The following PIP5K1B variants were observed in gnomAD, a reference collection of about 807,000 sequenced individuals.
PIP5K1B encodes phosphatidylinositol-4-phosphate 5-kinase type 1 beta, also known as phosphatidylinositol 4-phosphate 5-kinase type-1 beta.
PIP5K1B carries 42 observed loss-of-function variants against 67.0 expected under a neutral mutation model. That is an observed-to-expected ratio of 0.63 (90% confidence interval 0.49 to 0.81). PIP5K1B has a LOEUF of 0.81. PIP5K1B is among the 30% of genes least tolerant of loss of function. The pLI is 0.00. For synonymous variants in PIP5K1B, 214 were observed against 231.4 expected, an observed-to-expected ratio of 0.92 and a Z score of 0.68; for missense variants, 459 against 646.3, an observed-to-expected ratio of 0.71 and a Z score of 3.14.
intron 14 of PIP5K1B, among the ~76,000 whole-genome samples, chr9:68,949,995 A>G (rs1827981820): frequency 6.6e-6 from 1 of 152,272 alleles, no homozygotes. Context: ...ATCGATGTAC[A>G]GAAAAACCTT....
intron 2 of PIP5K1B, chr9:68,780,699 A>G (rs1342105020): frequency 1.9e-6 from 3 of 1,614,210 alleles, no homozygotes; most frequent in South Asian, 2.2e-5. Flanking sequence ...TCCCAGCCCA[A>G]CGACCCGATT....
At chr9:68,761,974 C>T (rs1208906618) in intron 2 of PIP5K1B, among the ~76,000 whole-genome samples, 4 of 152,036 alleles carry the variant, frequency 2.6e-5, no homozygotes, top group African/African-American at 9.7e-5. Context: ...CCAATAATTG[C>T]AGAGCTAGTA....
chr9:68,967,767 A>G (rs1307794412), intron 14 of PIP5K1B, among the ~76,000 whole-genome samples: 2 of 152,126 alleles, frequency 1.3e-5, no homozygotes, highest in African/African-American at 4.8e-5. Flanking sequence ...AGACTCATGG[A>G]CATACTGGTG....
intron 1 of PIP5K1B, among the ~76,000 whole-genome samples, chr9:68,734,785 G>T (rs974268924): frequency 6.6e-6 from 1 of 152,160 alleles, no homozygotes; most frequent in African/African-American, 2.4e-5. Flanking sequence ...AGAACATTTG[G>T]TGAGGTTAAA....
At chr9:68,715,492 C>T (rs542266630) in intron 1 of PIP5K1B, among the ~76,000 whole-genome samples, 11 of 152,282 alleles carry the variant, frequency 7.2e-5, no homozygotes, top group East Asian at 5.8e-4. Context: ...CGGTCGACCA[C>T]GCTTCAGGTC....
chr9:68,778,428 A>C (rs775869269), intron 2 of PIP5K1B, among the ~76,000 whole-genome samples: 1 of 152,214 alleles, frequency 6.6e-6, no homozygotes, highest in African/African-American at 2.4e-5. Flanking sequence ...TCAGTAAATA[A>C]TACTACCATC....
chr9:68,845,374 A>G (rs1822134443), intron 4 of PIP5K1B, among the ~76,000 whole-genome samples: 3 of 152,256 alleles, frequency 2.0e-5, no homozygotes, highest in Non-Finnish European at 4.4e-5. Flanking sequence ...GCCTAGAGCC[A>G]GAGCCGTGGA....
At chr9:68,984,209 A>G (rs1006861438) in intron 14 of PIP5K1B, among the ~76,000 whole-genome samples, 2 of 152,270 alleles carry the variant, frequency 1.3e-5, no homozygotes, top group African/African-American at 4.8e-5. Context: ...ACCCAGTATC[A>G]CATACAACTA....
chr9:68,982,121 C>T (rs1041864144), intron 14 of PIP5K1B, among the ~76,000 whole-genome samples: 2 of 152,164 alleles, frequency 1.3e-5, no homozygotes, highest in Non-Finnish European at 2.9e-5. Context: ...AGGCAGGCAG[C>T]CAGACTCCTA....
At chr9:68,880,592 TACACACACAC>T (rs763461495) in intron 6 of PIP5K1B, among the ~76,000 whole-genome samples, 8 of 77,004 alleles carry the variant, frequency 1.0e-4, no homozygotes, top group Admixed American at 3.0e-4. Context: ...CACACACGCA[TACACACACAC>T]ACACACACAC....
chr9:68,894,793 G>T (rs1379752316), intron 8 of PIP5K1B, among the ~76,000 whole-genome samples, 155 bp downstream of exon 8: 1 of 152,180 alleles, frequency 6.6e-6, no homozygotes, highest in African/African-American at 2.4e-5. Context: ...ATGCTTCCCT[G>T]ATATTGAAGG....
rs532758787 is a variant in PIP5K1B, at chr9:68,792,337, T to G, written c.-85-26124T>G. Among the ~76,000 whole-genome samples, 23 of 152,282 alleles carry G rather than the reference T, an allele frequency of 1.5e-4. No individual in the cohort carries two copies. The South Asian group carries it at 4.8e-3, about 32-fold the overall frequency. On this transcript the variant is annotated intron_variant, in intron 2 of 15. Transcript: ENST00000265382. ...GAACAAATGGTACACAGTTTCTGTT[T>G]TGTTTTGTTTTATTGAGTTCATGAT...
At chr9:68,713,013 A>G (rs1827462639) in intron 1 of PIP5K1B, among the ~76,000 whole-genome samples, 1 of 152,230 alleles carries the variant, frequency 6.6e-6, no homozygotes, top group Admixed American at 6.5e-5. Context: ...AGCTACATCA[A>G]CAGTCCCAAT....
intron 14 of PIP5K1B, among the ~76,000 whole-genome samples, chr9:68,969,887 G>A (rs931611054): frequency 2.0e-4 from 30 of 152,146 alleles, no homozygotes; most frequent in African/African-American, 6.8e-4. Flanking sequence ...TAGAAAATCC[G>A]TAAAAGGGTC....
intron 14 of PIP5K1B, 199 bp downstream of exon 14, chr9:68,940,989 A>C: frequency 1.5e-6 from 1 of 669,634 alleles, no homozygotes. Context: ...ATTTTTCTTT[A>C]CAGTTGATCA....
intron 5 of PIP5K1B, among the ~76,000 whole-genome samples, chr9:68,873,166 C>T (rs1421758799): frequency 6.6e-6 from 1 of 151,160 alleles, no homozygotes; most frequent in Non-Finnish European, 1.5e-5. Flanking sequence ...AATGGTCTCT[C>T]GGTGACATTT....
At chr9:68,921,488 C>T (rs1249534554) in intron 11 of PIP5K1B, among the ~76,000 whole-genome samples, 1 of 152,152 alleles carries the variant, frequency 6.6e-6, no homozygotes, top group African/African-American at 2.4e-5. Flanking sequence ...CATTCCCCTC[C>T]TGTTTTCTGA....
At chr9:68,732,126 G>A (rs570605166) in intron 1 of PIP5K1B, among the ~76,000 whole-genome samples, 1 of 152,334 alleles carries the variant, frequency 6.6e-6, no homozygotes, top group East Asian at 1.9e-4. Flanking sequence ...TGTGATGTTG[G>A]AATAGGGAGG....
At chr9:68,982,865 G>A (rs555328407) in intron 14 of PIP5K1B, among the ~76,000 whole-genome samples, 26 of 152,112 alleles carry the variant, frequency 1.7e-4, no homozygotes, top group African/African-American at 4.3e-4. Context: ...TTATTCTTGC[G>A]TTATCTCCTT....
Sources: gnomAD v4.1 joint callset for allele counts (sites outside exome capture counted in the v4.1 genomes callset) on GRCh38, gnomAD v4.1.1 for gene constraint, MANE v1.5 for transcripts, NCBI Gene and HGNC (gene_info 2026-07-23, HGNC 2026-07-21) for gene names.